OR8S1: variants seen among roughly 807,000 people sequenced by gnomAD.
The protein encoded by OR8S1 is olfactory receptor 8S1.
For synonymous variants in OR8S1, 150 were observed against 151.4 expected (o/e 0.99, Z 0.07); for missense variants, 362 against 372.1 (o/e 0.97, Z 0.22).
At chr12:48,525,927 C>T in exon 1 of OR8S1, 1 of 1,614,210 alleles carries the variant, frequency 6.2e-7, no homozygotes. Flanking sequence ...GGCTGCCTGG[C>T]TCAGGTCTTC....
chr12:48,526,302 C>T (rs766617686), exon 1 of OR8S1: 13 of 1,614,098 alleles, frequency 8.1e-6, no homozygotes, highest in Middle Eastern at 1.6e-4. Flanking sequence ...ATAATCTCTA[C>T]CATCCTAAGC....
At chr12:48,526,439 T>C in exon 1 of OR8S1, 1 of 1,613,770 alleles carries the variant, frequency 6.2e-7, no homozygotes, top group South Asian at 1.1e-5. Flanking sequence ...CCCCATAGAG[T>C]TGATCTTCTC....
chr12:48,526,099 A>C (rs1938216836), exon 1 of OR8S1: 4 of 1,613,950 alleles, frequency 2.5e-6, no homozygotes, highest in Non-Finnish European at 8.5e-7. Flanking sequence ...TTCTGGACGC[A>C]CTCATCAATG....
At chr12:48,526,569 G>C in exon 1 of OR8S1, 1 of 1,504,872 alleles carries the variant, frequency 6.6e-7, no homozygotes, top group South Asian at 1.2e-5. Flanking sequence ...ACCAGACGTT[G>C]AGTTAAAAAA....
At chr12:48,526,160 T>C in exon 1 of OR8S1, 1 of 1,614,170 alleles carries the variant, frequency 6.2e-7, no homozygotes. Context: ...CATTCACCAC[T>C]ACAGCTATGA....
At chr12:48,525,890 T>A in exon 1 of OR8S1, 1 of 1,614,202 alleles carries the variant, frequency 6.2e-7, no homozygotes, top group Non-Finnish European at 8.5e-7. Flanking sequence ...GAACCTCCTG[T>A]CACAGAGGAA....
chr12:48,526,435 A>G (rs756845181), exon 1 of OR8S1: 9 of 1,613,060 alleles, frequency 5.6e-6, no homozygotes, highest in African/African-American at 1.3e-5. Context: ...GTTCCCCCAT[A>G]GAGTTGATCT....
chr12:48,525,705 C>T (rs780530175), exon 1 of OR8S1: 1 of 1,614,150 alleles, frequency 6.2e-7, no homozygotes, highest in East Asian at 2.2e-5. Context: ...AACATCCGGG[C>T]TCTGCTCTTT....
At chr12:48,526,558 T>C (rs1283581749) in exon 1 of OR8S1, 11 of 1,537,762 alleles carry the variant, frequency 7.2e-6, no homozygotes, top group Admixed American at 1.8e-5. Flanking sequence ...ATTTGCAATA[T>C]ACCAGACGTT....
At chr12:48,525,878 G>A in exon 1 of OR8S1, 3 of 1,614,154 alleles carry the variant, frequency 1.9e-6, no homozygotes, top group Non-Finnish European at 2.5e-6. Flanking sequence ...CAAGATGCTG[G>A]AGAACCTCCT....
rs759865384 is a variant in OR8S1, at chr12:48,526,403, C to T, written c.772C>T (p.Arg258Cys). ...ACTTTACTATGGCTCAGGTTTGCTC[C>T]GCCATCTCATGCCAAACTCAGGTTC... The change falls in exon 1 of 1, where the codon CGC becomes TGC. Residue 258 changes from arginine to cysteine, a missense_variant. Arg to Cys is a radical substitution (Grantham distance 180). Transcript: ENST00000641651. The T allele has an allele frequency of 2.2e-5, 35 of 1,614,006 alleles. No individual in the cohort carries two copies. In the African/African-American group the frequency reaches 2.7e-4, roughly 12 times the overall value.
chr12:48,525,703 G>A (rs748467680), exon 1 of OR8S1: 3 of 1,614,108 alleles, frequency 1.9e-6, no homozygotes, highest in East Asian at 2.2e-5. Flanking sequence ...CCAACATCCG[G>A]GCTCTGCTCT....
exon 1 of OR8S1, chr12:48,526,292 A>G: frequency 6.2e-7 from 1 of 1,614,084 alleles, no homozygotes; most frequent in South Asian, 1.1e-5. Context: ...CTACACCCGT[A>G]TAATCTCTAC....
exon 1 of OR8S1, chr12:48,525,715 T>G (rs775959423): frequency 3.1e-6 from 5 of 1,614,178 alleles, no homozygotes; most frequent in Non-Finnish European, 2.5e-6. Context: ...CTCTGCTCTT[T>G]GTGCTGTTCC....
exon 1 of OR8S1, chr12:48,525,979 A>G (rs1294508344): frequency 6.2e-7 from 1 of 1,614,072 alleles, no homozygotes; most frequent in Non-Finnish European, 8.5e-7. Context: ...GCCTTCTCTC[A>G]GGGATGGCCT....
At chr12:48,526,376 A>T in exon 1 of OR8S1, 1 of 1,614,108 alleles carries the variant, frequency 6.2e-7, no homozygotes, top group Non-Finnish European at 8.5e-7. Flanking sequence ...CACTGCAGTG[A>T]CACTTTACTA....
At position 48,526,341 on chromosome 12, in the gene OR8S1, C is replaced by T. The variant is rs370071506; in HGVS notation, c.710C>T (p.Ala237Val). The T allele has an allele frequency of 9.6e-5, 155 of 1,613,988 alleles. No individual in the cohort carries two copies. The highest frequency in any genetic ancestry group is 1.3e-4 in the Non-Finnish European group (150 of 1,179,992). The stretch of plus-strand genomic sequence containing the variant: ...AGCTCTACCTCGGGCAGAAGCAAGG[C>T]CTTCTCCACCTGCTCTGCCCACCTC... Residue 237 changes from alanine to valine, a missense_variant, in exon 1 of 1, where the codon GCC (alanine) becomes GTC (valine). Physicochemically the swap from Ala to Val is moderately conservative, Grantham distance 64 (BLOSUM62 0). Coordinates refer to ENST00000641651, the Ensembl canonical transcript of OR8S1.
exon 1 of OR8S1, chr12:48,526,093 G>A (rs1242247425): frequency 2.5e-6 from 4 of 1,614,060 alleles, no homozygotes; most frequent in Middle Eastern, 1.6e-4. Flanking sequence ...TGGGCTTTCT[G>A]GACGCACTCA....
rs748347369 is a variant in OR8S1, at chr12:48,525,803, C to T, written c.172C>T (p.Pro58Ser). Residue 58 changes from proline to serine, a missense_variant, in exon 1 of 1, where the codon CCC becomes TCC. Physicochemically the swap from Pro to Ser is moderately conservative, Grantham distance 74. Coordinates refer to ENST00000641651, the Ensembl canonical transcript of OR8S1. ...CAGGGCTGATTCTTGTCTCCATAAG[C>T]CCATGTATTTCTTCCTGAGTCACCT... is the stretch of plus-strand genomic sequence containing the variant. 9.9e-6 allele frequency: 16 copies of T among 1,613,948 alleles called. No homozygotes were observed. Among genetic ancestry groups the T allele is most frequent in the Non-Finnish European group, 1.4e-5 (16 of 1,179,958 alleles).
Sources: allele counts gnomAD v4.1 joint callset, GRCh38; gene constraint gnomAD v4.1.1; transcripts MANE v1.5; gene names NCBI Gene and HGNC (gene_info 2026-07-23, HGNC 2026-07-21).